The following PRKCB variants were observed in gnomAD, a reference collection of about 807,000 sequenced individuals.
PRKCB encodes protein kinase C beta type.
Under a neutral mutation model 81.5 loss-of-function variants are expected in PRKCB, and 13 were observed. The observed-to-expected ratio is 0.16, with a 90% CI of 0.10 to 0.25. The LOEUF (loss-of-function observed/expected upper bound fraction) is 0.25. Among genes scored for constraint, PRKCB ranks in the 10% least tolerant of loss-of-function variants. The pLI is 1.00. For synonymous variants in PRKCB, 335 were observed against 321.4 expected (o/e 1.04, Z -0.45); for missense variants, 509 against 875.7 (o/e 0.58, Z 5.29).
intron 15 of PRKCB, among the ~76,000 whole-genome samples, chr16:24,187,078 TAG>T (rs1567406228): frequency 6.6e-6 from 1 of 151,926 alleles, no homozygotes; most frequent in African/African-American, 2.4e-5. Flanking sequence ...TGGGGGCGGG[TAG>T]AGAGAAGGTG....
chr16:23,889,935 T>A (rs372701317), intron 2 of PRKCB, among the ~76,000 whole-genome samples: 4 of 152,256 alleles, frequency 2.6e-5, no homozygotes, highest in Admixed American at 2.0e-4. Context: ...CATTTTCTTA[T>A]ATTTTTTGGA....
chr16:23,998,239 C>T (rs1964985536), intron 3 of PRKCB, among the ~76,000 whole-genome samples: 1 of 152,184 alleles, frequency 6.6e-6, no homozygotes, highest in African/African-American at 2.4e-5. Flanking sequence ...GTTCTCAGGT[C>T]TTTGGGCTCA....
At position 23,852,785 on chromosome 16, in the gene PRKCB, A is replaced by G. The variant is rs373064912; in HGVS notation, c.205+15379A>G. ...ATCACTATCCTAACCTCTATCACCT[A>G]TGATTACTTTCATCTGTTCCTGAAC... is the stretch of plus-strand genomic sequence containing the variant. On this transcript the variant is annotated intron_variant, in intron 2 of 16. Transcript: ENST00000643927. Among the ~76,000 whole-genome samples the G allele has an allele frequency of 1.1e-4, 16 of 152,330 alleles. No homozygotes were observed. The East Asian group carries it at 2.7e-3, about 26-fold the overall frequency.
intron 5 of PRKCB, among the ~76,000 whole-genome samples, chr16:24,057,124 A>C (rs571900981): frequency 6.6e-6 from 1 of 152,300 alleles, no homozygotes; most frequent in Admixed American, 6.5e-5. Flanking sequence ...CCTTGTCAAC[A>C]AGTGTTATAT....
At chr16:24,090,321 G>A (rs944695108) in intron 5 of PRKCB, among the ~76,000 whole-genome samples, 11 of 152,278 alleles carry the variant, frequency 7.2e-5, no homozygotes, top group African/African-American at 2.6e-4. Context: ...CTTGATCCTG[G>A]TAGCCGATTC....
At chr16:24,179,097 T>C (rs1967579597) in intron 12 of PRKCB, among the ~76,000 whole-genome samples, 1 of 152,184 alleles carries the variant, frequency 6.6e-6, no homozygotes, top group South Asian at 2.1e-4. Flanking sequence ...CAATGTAAAA[T>C]GCACTTATCC....
At position 24,020,313 on chromosome 16, in the gene PRKCB, A is replaced by G. The variant is rs539242450; in HGVS notation, c.289-11823A>G. Among the ~76,000 whole-genome samples, 22 of 152,348 alleles carry G rather than the reference A, an allele frequency of 1.4e-4. No homozygotes were observed. In the East Asian group the frequency reaches 4.2e-3, roughly 29 times the overall value. On this transcript the variant is annotated intron_variant, in intron 3 of 16. Coordinates refer to ENST00000643927, the MANE Select transcript of PRKCB (RefSeq NM_002738.7). ...TATTTAAATAAAAATGGCAGTACTG[A>G]ATTGAAGAAAAATATCAAGTAAATA... is the stretch of plus-strand genomic sequence containing the variant.
At chr16:24,132,940 C>A (rs983666661) in intron 9 of PRKCB, among the ~76,000 whole-genome samples, 2 of 152,140 alleles carry the variant, frequency 1.3e-5, no homozygotes, top group Non-Finnish European at 1.5e-5. Flanking sequence ...GCCACTGTGA[C>A]CAGCTGATTT....
intron 9 of PRKCB, among the ~76,000 whole-genome samples, chr16:24,136,733 A>G (rs1329746632): frequency 2.0e-5 from 3 of 152,202 alleles, no homozygotes; most frequent in African/African-American, 4.8e-5. Context: ...CCAACCATCC[A>G]TCAGGAAAGA....
rs528008317 is a variant in PRKCB at position 23,838,951 on chromosome 16, A to G, written c.205+1545A>G. 3.9e-5 allele frequency among the ~76,000 whole-genome samples: 6 copies of G among 152,344 alleles called. No individual in the cohort carries two copies. The East Asian group carries it at 1.2e-3, about 29-fold the overall frequency. On this transcript the variant is annotated intron_variant, in intron 2 of 16. Coordinates refer to ENST00000643927, the MANE Select transcript of PRKCB (RefSeq NM_002738.7). ...TTGTTTTCTAGAACTTTGACCCCTC[A>G]AACAAAATGCCAATGGTGTCTTGGC... is the stretch of plus-strand genomic sequence containing the variant.
chr16:23,889,725 C>A (rs937418334), intron 2 of PRKCB, among the ~76,000 whole-genome samples: 1 of 152,224 alleles, frequency 6.6e-6, no homozygotes, highest in African/African-American at 2.4e-5. Context: ...CTCCTGGAGA[C>A]ATAGAACTTC....
At chr16:23,867,027 TC>T (rs1175988775) in intron 2 of PRKCB, among the ~76,000 whole-genome samples, 2,200 of 99,450 alleles carry the variant, frequency 0.022, 23 homozygotes, top group South Asian at 0.084. Flanking sequence ...CTTCCTTCCT[TC>T]CTTCCTTCCT....
chr16:24,094,034 G>A, intron 6 of PRKCB, 129 bp from the exon 7 acceptor site: 1 of 1,093,638 alleles, frequency 9.1e-7, no homozygotes, highest in Non-Finnish European at 1.3e-6. Context: ...GATGGAAACT[G>A]AATATGTTTC....
intron 8 of PRKCB, among the ~76,000 whole-genome samples, chr16:24,122,427 G>A (rs1300426257): frequency 1.4e-5 from 2 of 146,444 alleles, no homozygotes; most frequent in Non-Finnish European, 3.0e-5. Context: ...GCTGATTCAT[G>A]TCAGAGGATT....
In PRKCB at chr16:24,042,296, A is replaced by ACTG. The variant is rs570193289; in HGVS notation, c.529+6750_529+6752dup. Among the ~76,000 whole-genome samples the ACTG allele has an allele frequency of 7.2e-5, 11 of 152,302 alleles. No homozygotes were observed. In the South Asian group the frequency reaches 2.3e-3, roughly 32 times the overall value. On this transcript the variant is annotated intron_variant, in intron 5 of 16. Coordinates refer to ENST00000643927, the MANE Select transcript of PRKCB (RefSeq NM_002738.7). ...ATGCCCCAATTTGTGAAACCACAGT[A>ACTG]CTGTCATTGCTCATAATGGAAGGTG...
At position 24,216,388 on chromosome 16, in the gene PRKCB, G is replaced by T. The variant is rs1968228777; in HGVS notation, c.*1572G>T. 1 of 985,318 alleles carries T rather than the reference G, an allele frequency of 1.0e-6. No individual in the cohort carries two copies. The highest frequency in any genetic ancestry group is 6.1e-5 in the Admixed American group (1 of 16,266). The allele number at this position is 985,318 out of a possible 1,614,324, so 61.0% of individuals were successfully genotyped here. On this transcript the variant is annotated 3_prime_UTR_variant, in exon 17 of 17. Coordinates refer to ENST00000643927, the MANE Select transcript of PRKCB (RefSeq NM_002738.7). ...AGCCCAAGGAAACCCTTCGGTGGGA[G>T]AAATTTCATTTCTGTCTGAGAGGAT...
intron 3 of PRKCB, among the ~76,000 whole-genome samples, chr16:24,007,973 T>C (rs34202150): frequency 0.1 from 15,745 of 150,724 alleles, 1,016 homozygotes; most frequent in Middle Eastern, 0.21. Flanking sequence ...CCTCCAGTGG[T>C]CTAGGATTCT....
chr16:24,213,014 T>TTATTTATA (rs1175171078), intron 16 of PRKCB, among the ~76,000 whole-genome samples: 2 of 126,822 alleles, frequency 1.6e-5, no homozygotes, highest in East Asian at 4.0e-4. Context: ...GTATATTTAT[T>TTATTTATA]TATTTATTTA....
intron 5 of PRKCB, among the ~76,000 whole-genome samples, chr16:24,044,382 C>T (rs2141864551): frequency 6.6e-6 from 1 of 152,096 alleles, no homozygotes; most frequent in Admixed American, 6.6e-5. Flanking sequence ...AAAGAAAAGA[C>T]TGAATTAAAA....
Sources: gnomAD v4.1 joint callset for allele counts (sites outside exome capture counted in the v4.1 genomes callset) on GRCh38, gnomAD v4.1.1 for gene constraint, MANE v1.5 for transcripts, NCBI Gene and HGNC (gene_info 2026-07-23, HGNC 2026-07-21) for gene names.